UNC93A: variants seen among roughly 807,000 people sequenced by gnomAD.
UNC93A encodes N-acetylglucosamine transporter UNC93A.
A neutral mutation model predicts 47.5 loss-of-function variants in UNC93A; 43 were observed. That is an observed-to-expected ratio of 0.91 (90% CI 0.71 to 1.17). The LOEUF (loss-of-function observed/expected upper bound fraction) is 1.17. Among genes scored for constraint, UNC93A ranks in the 50% most tolerant of loss-of-function variants. The pLI, the probability that UNC93A is intolerant of heterozygous loss-of-function variation, is 0.00. For missense variants in UNC93A, 605 were observed against 577.6 expected (o/e 1.05, Z -0.49); for synonymous variants, 280 against 258.0 (o/e 1.09, Z -0.82).
At position 167,297,944 on chromosome 6, in the gene UNC93A, G is replaced by C. The variant is rs1373613291; in HGVS notation, c.500-1G>C. 1.9e-6 allele frequency: 3 copies of C among 1,613,690 alleles called. No individual in the cohort carries two copies. The highest frequency in any genetic ancestry group is 1.1e-5 in the South Asian group (1 of 91,054). The stretch of plus-strand genomic sequence containing the variant: ...GTCTCCTGTCCACTCTGACTTCATA[G>C]AGACCCTTCCAGAAGAGCAGCTCAC... On this transcript the variant is annotated splice_acceptor_variant, in intron 3 of 7. Coordinates refer to ENST00000230256, the MANE Select transcript of UNC93A (RefSeq NM_018974.4). LOFTEE classifies it high-confidence loss of function.
Position 167,314,568 on chromosome 6 carries a change from A to T in UNC93A, c.1109-619A>T, listed in dbSNP as rs114014873. Among the ~76,000 whole-genome samples the T allele has an allele frequency of 1.0e-3, 157 of 152,340 alleles. 1 individual carries two copies. Among genetic ancestry groups the T allele is most frequent in the African/African-American group, 3.7e-3 (152 of 41,574 alleles). ...ACAAGCAGGAAAATCCTGGGGCTCCAAAATCCCTAAGCTAAAGGGAAAAGT... is the reference window on the plus strand; with the variant it reads ...ACAAGCAGGAAAATCCTGGGGCTCCTAAATCCCTAAGCTAAAGGGAAAAGT... On this transcript the variant is annotated intron_variant, in intron 7 of 7. Transcript: ENST00000230256.
In UNC93A at chr6:167,296,221, C is replaced by T; in HGVS notation, c.459C>T (p.Asn153=). 6.2e-7 allele frequency: 1 copy of T among 1,614,220 alleles called. No homozygotes were observed. The highest frequency in any genetic ancestry group is 8.5e-7 in the Non-Finnish European group (1 of 1,180,048). The change falls in exon 3 of 8, where the codon AAC becomes AAT. Residue 153 remains asparagine, a synonymous_variant. Transcript: ENST00000230256. The part of the protein sequence containing the change: ...LIFQSSGVWG[N]LISSLVFGQT... ...TCCAGTCATCCGGTGTGTGGGGCAA[C>T]TTGATCTCATCGCTGGTATTTGGCC...
upstream of UNC93A, among the ~76,000 whole-genome samples, chr6:167,269,874 C>G (rs1783423213): frequency 6.6e-6 from 1 of 152,104 alleles, no homozygotes; most frequent in South Asian, 2.1e-4. Context: ...CTCGGTCTCC[C>G]AAAGTGCTGG....
chr6:167,294,293 G>T (rs563560225), intron 1 of UNC93A, among the ~76,000 whole-genome samples: 1 of 152,244 alleles, frequency 6.6e-6, no homozygotes, highest in South Asian at 2.1e-4. Context: ...CAGGGGTGCC[G>T]GGCCTTCACT....
intron 6 of UNC93A, 52 bp downstream of exon 6, chr6:167,306,102 A>G (rs1485747141): frequency 1.2e-6 from 2 of 1,607,234 alleles, no homozygotes; most frequent in Admixed American, 3.3e-5. Flanking sequence ...TTGCAGTAGC[A>G]AAAGCGCACA....
At chr6:167,296,496 C>T (rs1310207093) in intron 3 of UNC93A, among the ~76,000 whole-genome samples, 5 of 152,190 alleles carry the variant, frequency 3.3e-5, no homozygotes, top group Admixed American at 6.5e-5. Flanking sequence ...CAGGTGCCTC[C>T]GCAGGGGCAG....
intron 7 of UNC93A, among the ~76,000 whole-genome samples, chr6:167,308,377 A>AT (rs1224916369): frequency 1.6e-4 from 24 of 151,876 alleles, no homozygotes; most frequent in Admixed American, 1.3e-4. Flanking sequence ...AGCCACACAC[A>AT]TCACAGGTCA....
chr6:167,315,047 TA>T, intron 7 of UNC93A, 139 bp from the exon 8 acceptor site: 1 of 1,276,650 alleles, frequency 7.8e-7, no homozygotes, highest in Non-Finnish European at 1.1e-6. Context: ...ATCTGGCATG[TA>T]AAATCATTCT....
chr6:167,305,916 C>A lies in UNC93A; in HGVS notation c.842C>A (p.Ser281Tyr), dbSNP rs762041487. 6.8e-6 allele frequency: 11 copies of A among 1,614,036 alleles called. No homozygotes were observed. The highest frequency in any genetic ancestry group is 1.7e-5 in the Admixed American group (1 of 60,008). The change falls in exon 6 of 8, where the codon TCC becomes TAC. Residue 281 changes from serine to tyrosine, a missense_variant and splice_region_variant. Transcript: ENST00000230256. ...QGFLSSEYTRSYVTCTLGIQF... is the reference protein window; with the variant it reads ...QGFLSSEYTRYYVTCTLGIQF... ...GTGGCTCTGCACCCCTCTCCCCAGT[C>A]CTATGTCACCTGCACCCTGGGCATC... is the stretch of plus-strand genomic sequence containing the variant.
intron 5 of UNC93A, among the ~76,000 whole-genome samples, chr6:167,305,344 C>G (rs920117147): frequency 3.9e-5 from 6 of 152,188 alleles, no homozygotes; most frequent in African/African-American, 1.4e-4. Context: ...GACAGCCCCT[C>G]CTGCTCCTCC....
At chr6:167,281,119 C>T (rs2115084768) in intron 1 of UNC93A, among the ~76,000 whole-genome samples, 1 of 152,086 alleles carries the variant, frequency 6.6e-6, no homozygotes, top group African/African-American at 2.4e-5. Context: ...GGTCATCCCA[C>T]TGACAGGAGT....
intron 2 of UNC93A, among the ~76,000 whole-genome samples, chr6:167,295,378 C>T (rs1026450763): frequency 4.6e-5 from 7 of 151,586 alleles, no homozygotes; most frequent in Admixed American, 2.6e-4. Flanking sequence ...GGCTGTCCCT[C>T]GGCCTCCCTC....
chr6:167,288,449 TAC>T (rs10586281), upstream of UNC93A, among the ~76,000 whole-genome samples: 6,823 of 134,696 alleles, frequency 0.051, 168 homozygotes, highest in Middle Eastern at 0.096. Context: ...TGTTCTTCCT[TAC>T]ACACACACAC....
chr6:167,286,847 G>T (rs1012356406), upstream of UNC93A, among the ~76,000 whole-genome samples: 4 of 151,704 alleles, frequency 2.6e-5, no homozygotes, highest in African/African-American at 9.7e-5. Context: ...GTGTGGTGGC[G>T]GGTGCCTGTA....
chr6:167,307,502 G>A (rs1562359035), intron 6 of UNC93A, among the ~76,000 whole-genome samples: 2 of 151,134 alleles, frequency 1.3e-5, no homozygotes, highest in African/African-American at 4.8e-5. Context: ...GGTTGAGATG[G>A]TTGAGACGGT....
At chr6:167,283,849 C>T (rs1783675448) in intron 1 of UNC93A, among the ~76,000 whole-genome samples, 2 of 152,136 alleles carry the variant, frequency 1.3e-5, no homozygotes, top group African/African-American at 4.8e-5. Flanking sequence ...TAACAACTTA[C>T]GATGTTAAAA....
chr6:167,281,531 A>G (rs1001703536), intron 1 of UNC93A, among the ~76,000 whole-genome samples: 2 of 152,188 alleles, frequency 1.3e-5, no homozygotes, highest in Non-Finnish European at 2.9e-5. Context: ...AGTGAGTTTT[A>G]GATGCACGTG....
At chr6:167,308,469 T>C (rs1282120352) in intron 7 of UNC93A, among the ~76,000 whole-genome samples, 2 of 151,392 alleles carry the variant, frequency 1.3e-5, no homozygotes, top group Non-Finnish European at 2.9e-5. Context: ...GGGGGCCCTG[T>C]GGATGTGGGG....
At chr6:167,284,351 GT>G (rs1783684754) in intron 1 of UNC93A, among the ~76,000 whole-genome samples, 1 of 152,006 alleles carries the variant, frequency 6.6e-6, no homozygotes, top group Admixed American at 6.5e-5. Flanking sequence ...TGCAGTTGGT[GT>G]TAACTAATAG....
Sources: gnomAD v4.1 joint callset for allele counts (sites outside exome capture counted in the v4.1 genomes callset) on GRCh38, gnomAD v4.1.1 for gene constraint, MANE v1.5 for transcripts, NCBI Gene and HGNC (gene_info 2026-07-23, HGNC 2026-07-21) for gene names.